The following FANCC variants were observed in gnomAD, a reference collection of about 807,000 sequenced individuals.
FANCC encodes FA complementation group C, also known as Fanconi anemia group C protein.
FANCC carries 55 observed loss-of-function variants against 71.3 expected under a neutral mutation model. The observed-to-expected ratio is 0.77, with a 90% confidence interval of 0.62 to 0.97. The LOEUF is 0.97. Among genes scored for constraint, FANCC ranks in the 50% least tolerant of loss-of-function variants. FANCC has a pLI of 0.00. For synonymous variants in FANCC, 275 were observed against 244.9 expected, an observed-to-expected ratio of 1.12 and a Z score of -1.15; for missense variants, 678 against 670.9, an observed-to-expected ratio of 1.01 and a Z score of -0.12.
intron 7 of FANCC, among the ~76,000 whole-genome samples, chr9:95,146,592 G>A (rs1235177017): frequency 6.6e-6 from 1 of 150,756 alleles, no homozygotes; most frequent in Non-Finnish European, 1.5e-5. Flanking sequence ...TAAGCAGTAA[G>A]TATCATTTTA....
At chr9:95,112,730 G>A (rs1232498037) in intron 12 of FANCC, among the ~76,000 whole-genome samples, 2 of 152,168 alleles carry the variant, frequency 1.3e-5, no homozygotes, top group Non-Finnish European at 2.9e-5. Context: ...ATCAGAGACC[G>A]GTCTGGTCCT....
chr9:95,240,761 T>G lies in FANCC; in HGVS notation c.251-18A>C. 7.0e-7 allele frequency: 1 copy of G among 1,425,606 alleles called. No homozygotes were observed. The highest frequency in any genetic ancestry group is 9.9e-7 in the Non-Finnish European group (1 of 1,009,576). 88.3% of individuals were successfully genotyped at this position (1,425,606 alleles called of 1,614,324 possible). On this transcript the variant is annotated intron_variant, in intron 3 of 14. Transcript: ENST00000289081. ...GCTTTCATCTACAAAAAGGAAAACT[T>G]AATAAGTTTTATCAAGCAGAAAAAA... is the stretch of plus-strand genomic sequence containing the variant.
At chr9:95,313,458 C>A (rs952200084) in intron 1 of FANCC, among the ~76,000 whole-genome samples, 7 of 152,192 alleles carry the variant, frequency 4.6e-5, no homozygotes, top group African/African-American at 1.7e-4. Context: ...CGCATGCGTG[C>A]GCTGGAGAAC....
At chr9:95,196,163 C>T (rs1827441773) in intron 4 of FANCC, among the ~76,000 whole-genome samples, 1 of 152,048 alleles carries the variant, frequency 6.6e-6, no homozygotes, top group Non-Finnish European at 1.5e-5. Flanking sequence ...GAACGAATCT[C>T]CTTGCCTTGT....
chr9:95,166,384 T>A (rs547025637), intron 6 of FANCC, among the ~76,000 whole-genome samples: 2 of 152,234 alleles, frequency 1.3e-5, no homozygotes, highest in South Asian at 4.1e-4. Flanking sequence ...GTACATCTCC[T>A]ACAGGTATTT....
At chr9:95,163,434 A>G (rs1830867993) in intron 6 of FANCC, among the ~76,000 whole-genome samples, 1 of 152,242 alleles carries the variant, frequency 6.6e-6, no homozygotes, top group East Asian at 1.9e-4. Context: ...GAGATTCTAT[A>G]TACATTAAAG....
intron 1 of FANCC, among the ~76,000 whole-genome samples, chr9:95,276,717 A>G (rs779975533): frequency 6.6e-6 from 1 of 152,220 alleles, no homozygotes; most frequent in Non-Finnish European, 1.5e-5. Flanking sequence ...ATTTTCCACG[A>G]GCTTAAAAAG....
At chr9:95,135,149 C>T (rs1157346464) in intron 8 of FANCC, among the ~76,000 whole-genome samples, 197 bp downstream of exon 8, 1 of 152,188 alleles carries the variant, frequency 6.6e-6, no homozygotes, top group Non-Finnish European at 1.5e-5. Context: ...AACCTCAGAT[C>T]TCTCCCTGCA....
chr9:95,263,478 A>AGG (rs1832181928), intron 1 of FANCC, among the ~76,000 whole-genome samples: 1 of 147,964 alleles, frequency 6.8e-6, no homozygotes, highest in East Asian at 2.0e-4. Context: ...TTATATATAT[A>AGG]TGTGTGTGTG....
chr9:95,117,982 A>T (rs1315066386), intron 10 of FANCC, among the ~76,000 whole-genome samples: 2 of 151,870 alleles, frequency 1.3e-5, no homozygotes, highest in Non-Finnish European at 2.9e-5. Context: ...TCGGCCTCCC[A>T]AAGTACTGGG....
intron 1 of FANCC, among the ~76,000 whole-genome samples, chr9:95,274,045 T>A (rs1832894547): frequency 6.6e-6 from 1 of 152,222 alleles, no homozygotes; most frequent in African/African-American, 2.4e-5. Context: ...TTTATTATAC[T>A]TTAAGTTCTG....
At chr9:95,142,645 G>C (rs1335032206) in intron 7 of FANCC, 1 of 152,126 alleles carries the variant, frequency 6.6e-6, no homozygotes, top group Non-Finnish European at 1.5e-5. Flanking sequence ...GTCCTAGTTT[G>C]TAAGTTTATT....
At chr9:95,313,501 A>G (rs1835541737) in intron 1 of FANCC, among the ~76,000 whole-genome samples, 1 of 152,238 alleles carries the variant, frequency 6.6e-6, no homozygotes. Flanking sequence ...CCCTATAAAG[A>G]AATATCCACG....
intron 4 of FANCC, among the ~76,000 whole-genome samples, chr9:95,194,756 T>A (rs1192010958): frequency 6.6e-6 from 1 of 152,224 alleles, no homozygotes; most frequent in Non-Finnish European, 1.5e-5. Flanking sequence ...ACTAGTCCTT[T>A]GTTATTTGTG....
intron 1 of FANCC, among the ~76,000 whole-genome samples, chr9:95,283,160 A>G (rs1183695122): frequency 6.6e-6 from 1 of 152,194 alleles, no homozygotes; most frequent in African/African-American, 2.4e-5. Flanking sequence ...ATAGCTCACT[A>G]CAGCCTCAAA....
intron 12 of FANCC, among the ~76,000 whole-genome samples, chr9:95,112,019 A>T (rs952738040): frequency 6.6e-6 from 1 of 152,234 alleles, no homozygotes; most frequent in Non-Finnish European, 1.5e-5. Context: ...GGTAGGACGC[A>T]GGCAGAAACA....
chr9:95,138,582 CT>C (rs1463412742), intron 7 of FANCC, among the ~76,000 whole-genome samples: 2 of 152,182 alleles, frequency 1.3e-5, no homozygotes, highest in East Asian at 3.9e-4. Flanking sequence ...CATGCCTTAT[CT>C]TTTTTCAGGA....
At chr9:95,284,012 G>A (rs923906204) in intron 1 of FANCC, among the ~76,000 whole-genome samples, 1 of 152,206 alleles carries the variant, frequency 6.6e-6, no homozygotes, top group Non-Finnish European at 1.5e-5. Context: ...TAATTACACA[G>A]AAAGCACTTA....
At chr9:95,123,833 G>C in intron 10 of FANCC, 1 of 660,378 alleles carries the variant, frequency 1.5e-6, no homozygotes, top group East Asian at 3.0e-5. Flanking sequence ...TAGACCTGCG[G>C]ATGCTGCCCC....
Sources: gnomAD v4.1 joint callset for allele counts (sites outside exome capture counted in the v4.1 genomes callset) on GRCh38, gnomAD v4.1.1 for gene constraint, MANE v1.5 for transcripts, NCBI Gene and HGNC (gene_info 2026-07-23, HGNC 2026-07-21) for gene names.